Variants in GABRG2 observed in about 807,000 individuals in gnomAD.
GABRG2 encodes gamma-aminobutyric acid type A receptor subunit gamma2, also known as gamma-aminobutyric acid receptor subunit gamma-2.
Under a neutral mutation model 56.4 loss-of-function variants are expected in GABRG2, and 16 were observed. That is an observed-to-expected ratio of 0.28 (90% CI 0.19 to 0.43). The LOEUF is 0.43. Among genes scored for constraint, GABRG2 ranks in the 20% least tolerant of loss-of-function variants. The pLI is 1.00. For missense variants in GABRG2, 327 were observed against 582.7 expected (o/e 0.56, Z 4.52); for synonymous variants, 208 against 205.5 (o/e 1.01, Z -0.10).
At chr5:162,142,751 G>A (rs1236233924) in intron 7 of GABRG2, 5 of 299,850 alleles carry the variant, frequency 1.7e-5, no homozygotes, top group Non-Finnish European at 2.6e-5. Flanking sequence ...GCCTGTTGTG[G>A]GGTGGAGGGA....
In GABRG2 at chr5:162,093,829, T is replaced by G. The variant is rs753427115; in HGVS notation, c.109T>G (p.Phe37Val). The G allele has an allele frequency of 6.2e-7, 1 of 1,612,904 alleles. No homozygotes were observed. Among genetic ancestry groups the G allele is most frequent in the Non-Finnish European group, 8.5e-7 (1 of 1,179,298 alleles). ...TTTGACCAATATGTTTTTTCTTAGC[T>G]TCACTAGCCAGAAATCTGATGATGA... ...ILLLLSLYPG[F>V]TSQKSDDDYE... Residue 37 changes from phenylalanine (F) to valine (V), a missense_variant and splice_region_variant, in exon 2 of 10, where the codon TTC becomes GTC. Phe to Val is a conservative substitution (Grantham distance 50). Coordinates refer to ENST00000639213, the MANE Select transcript of GABRG2 (RefSeq NM_198904.4).
chr5:162,135,356 T>G (rs1381268864), intron 6 of GABRG2, among the ~76,000 whole-genome samples: 1 of 152,164 alleles, frequency 6.6e-6, no homozygotes, highest in African/African-American at 2.4e-5. Flanking sequence ...TAAAAGCCAA[T>G]GTTGATCTCC....
intron 1 of GABRG2, among the ~76,000 whole-genome samples, chr5:162,069,065 C>T (rs1561632668): frequency 6.6e-6 from 1 of 152,120 alleles, no homozygotes; most frequent in African/African-American, 2.4e-5. Context: ...AGACTGGACT[C>T]CTGAAAACCC....
At chr5:162,133,213 A>C (rs976783470) in intron 6 of GABRG2, among the ~76,000 whole-genome samples, 1 of 152,098 alleles carries the variant, frequency 6.6e-6, no homozygotes, top group Non-Finnish European at 1.5e-5. Flanking sequence ...CTTCAAATCG[A>C]CTGTCCTCAA....
At chr5:162,085,046 T>A (rs140596188) in intron 1 of GABRG2, among the ~76,000 whole-genome samples, 1 of 151,998 alleles carries the variant, frequency 6.6e-6, no homozygotes, top group South Asian at 2.1e-4. Context: ...GTGTGTAGTG[T>A]GCAAGACAAG....
intron 6 of GABRG2, among the ~76,000 whole-genome samples, chr5:162,118,262 C>T (rs1036902701): frequency 1.2e-4 from 18 of 150,260 alleles, no homozygotes; most frequent in Admixed American, 1.0e-3. Flanking sequence ...AATAAAAACA[C>T]GTATTTTCAA....
chr5:162,068,448 G>C (rs1378896121), intron 1 of GABRG2, among the ~76,000 whole-genome samples: 2 of 151,588 alleles, frequency 1.3e-5, no homozygotes, highest in Non-Finnish European at 2.9e-5. Flanking sequence ...ATTTGAGGCC[G>C]TGTTGCAAGC....
chr5:162,122,851 A>C (rs1288835324), intron 6 of GABRG2, among the ~76,000 whole-genome samples: 1 of 151,868 alleles, frequency 6.6e-6, no homozygotes, highest in South Asian at 2.1e-4. Context: ...TTTGTAAAGC[A>C]AATAAGAAAA....
At chr5:162,079,897 A>C (rs371903686) in intron 1 of GABRG2, among the ~76,000 whole-genome samples, 1 of 152,182 alleles carries the variant, frequency 6.6e-6, no homozygotes, top group African/African-American at 2.4e-5. Flanking sequence ...CTCCCACCTC[A>C]GCCTCCTGAG....
At chr5:162,083,276 C>G (rs1229749912) in intron 1 of GABRG2, among the ~76,000 whole-genome samples, 2 of 151,694 alleles carry the variant, frequency 1.3e-5, no homozygotes, top group African/African-American at 2.4e-5. Flanking sequence ...ATGGAACCAG[C>G]CTTCATTTTC....
intron 7 of GABRG2, among the ~76,000 whole-genome samples, chr5:162,147,438 C>A (rs1765046716): frequency 6.6e-6 from 1 of 152,004 alleles, no homozygotes; most frequent in Admixed American, 6.6e-5. Context: ...GATTTCAGCT[C>A]ATTGCAACCC....
intron 7 of GABRG2, chr5:162,142,587 A>G (rs990130452): frequency 5.4e-6 from 2 of 372,508 alleles, no homozygotes. Context: ...TGATGAGTTC[A>G]TGTCCTTTGT....
At chr5:162,077,374 A>G (rs1759214894) in intron 1 of GABRG2, among the ~76,000 whole-genome samples, 1 of 152,146 alleles carries the variant, frequency 6.6e-6, no homozygotes, top group African/African-American at 2.4e-5. Flanking sequence ...ATTCCATGGT[A>G]TGAATTACAG....
intron 6 of GABRG2, among the ~76,000 whole-genome samples, chr5:162,124,130 A>C (rs1028414110): frequency 6.6e-6 from 1 of 151,814 alleles, no homozygotes; most frequent in Non-Finnish European, 1.5e-5. Flanking sequence ...CAAATAGCTA[A>C]AGAGAAAAAA....
At chr5:162,132,359 G>A (rs1763817742) in intron 6 of GABRG2, among the ~76,000 whole-genome samples, 1 of 151,954 alleles carries the variant, frequency 6.6e-6, no homozygotes, top group Non-Finnish European at 1.5e-5. Flanking sequence ...CAGACCTGTG[G>A]ACCAGGCATT....
At chr5:162,088,474 T>C (rs1760304526) in intron 1 of GABRG2, among the ~76,000 whole-genome samples, 1 of 152,290 alleles carries the variant, frequency 6.6e-6, no homozygotes, top group African/African-American at 2.4e-5. Context: ...AATTGCAAGC[T>C]TTCCTTTTAT....
rs140068031 is a variant in GABRG2, at chr5:162,078,840, C to T, written c.107+10734C>T. ...TTAAAAAGTGAGGTCATACATGGAA[C>T]GATATTTAACTAAGTGAATTATTGT... On this transcript the variant is annotated intron_variant, in intron 1 of 9. Transcript: ENST00000639213. Among the ~76,000 whole-genome samples, 44 of 151,726 alleles carry T rather than the reference C, an allele frequency of 2.9e-4. No homozygotes were observed. The East Asian group carries it at 6.2e-3, about 21-fold the overall frequency.
intron 6 of GABRG2, among the ~76,000 whole-genome samples, chr5:162,108,215 A>G (rs563358015): frequency 1.3e-5 from 2 of 152,244 alleles, no homozygotes; most frequent in South Asian, 4.1e-4. Flanking sequence ...ACTCTTAATC[A>G]CAACACTATT....
At chr5:162,130,054 A>T (rs1763623595) in intron 6 of GABRG2, among the ~76,000 whole-genome samples, 1 of 151,932 alleles carries the variant, frequency 6.6e-6, no homozygotes, top group Non-Finnish European at 1.5e-5. Flanking sequence ...CCTTTTTCAG[A>T]GAAGTTGAGC....
Sources: gnomAD v4.1 joint callset for allele counts (sites outside exome capture counted in the v4.1 genomes callset) on GRCh38, gnomAD v4.1.1 for gene constraint, MANE v1.5 for transcripts, NCBI Gene and HGNC (gene_info 2026-07-23, HGNC 2026-07-21) for gene names.